The following TYW1B variants were observed in gnomAD, a reference collection of about 807,000 sequenced individuals.
The protein encoded by TYW1B is tRNA-yW synthesizing protein 1 homolog B, also known as S-adenosyl-L-methionine-dependent tRNA 4-demethylwyosine synthase TYW1B.
In TYW1B, 73 loss-of-function variants were observed where a neutral mutation model predicts 86.9. That is an observed-to-expected ratio of 0.84 (90% CI 0.70 to 1.02). The LOEUF is 1.02. Among genes scored for constraint, TYW1B ranks in the 50% least tolerant of loss-of-function variants. TYW1B has a pLI of 0.00. For synonymous variants in TYW1B, 248 were observed against 292.8 expected (o/e 0.85, Z 1.56); for missense variants, 637 against 827.4 (o/e 0.77, Z 2.82).
At chr7:72,755,323 T>G (rs571283637) in intron 7 of TYW1B, among the ~76,000 whole-genome samples, 372 of 151,998 alleles carry the variant, frequency 2.4e-3, no homozygotes, top group Non-Finnish European at 4.4e-3. Context: ...GGAGGCTGAG[T>G]TGGGAGGATC....
intron 2 of TYW1B, among the ~76,000 whole-genome samples, chr7:72,822,520 C>T (rs1788848665): frequency 6.6e-6 from 1 of 152,238 alleles, no homozygotes; most frequent in African/African-American, 2.4e-5. Context: ...AAGTCATCTA[C>T]AAATTTGCCT....
chr7:72,651,855 T>C (rs1473274288), intron 11 of TYW1B, among the ~76,000 whole-genome samples: 2 of 152,104 alleles, frequency 1.3e-5, no homozygotes, highest in African/African-American at 2.4e-5. Flanking sequence ...CATATTACAA[T>C]AGACACATGT....
At chr7:72,821,350 C>CA (rs1563106365) in intron 2 of TYW1B, among the ~76,000 whole-genome samples, 1 of 152,238 alleles carries the variant, frequency 6.6e-6, no homozygotes, top group African/African-American at 2.4e-5. Context: ...CAACCTTACA[C>CA]AAAAAATACT....
At chr7:72,698,754 G>A (rs533884913) in intron 10 of TYW1B, among the ~76,000 whole-genome samples, 1 of 152,240 alleles carries the variant, frequency 6.6e-6, no homozygotes, top group South Asian at 2.1e-4. Flanking sequence ...CACCATGATG[G>A]CAAAATCCAC....
rs143256002 is a variant in TYW1B at position 72,741,435 on chromosome 7, A to G, written c.1082+3049T>C. Among the ~76,000 whole-genome samples the G allele has an allele frequency of 9.8e-4, 150 of 152,342 alleles. 2 individuals carry two copies. In the East Asian group the frequency reaches 0.027, roughly 27 times the overall value. On this transcript the variant is annotated intron_variant, in intron 8 of 13. Coordinates refer to ENST00000620995, the MANE Select transcript of TYW1B (RefSeq NM_001145440.3). ...TGGAATTATCTTGCCTAAGTAGAAA[A>G]AAAAAGTGTGAAGAAAATTGAACAG...
chr7:72,693,304 G>A (rs1300037899), intron 11 of TYW1B, among the ~76,000 whole-genome samples: 1 of 151,948 alleles, frequency 6.6e-6, no homozygotes, highest in East Asian at 1.9e-4. Flanking sequence ...TGCAGAAAAT[G>A]ACATTCAATG....
intron 7 of TYW1B, among the ~76,000 whole-genome samples, chr7:72,758,823 C>T (rs1585961958): frequency 6.6e-6 from 1 of 152,144 alleles, no homozygotes; most frequent in Non-Finnish European, 1.5e-5. Flanking sequence ...TTGGTTTCTA[C>T]AAAATCGACA....
intron 11 of TYW1B, among the ~76,000 whole-genome samples, chr7:72,675,076 C>T (rs1813703828): frequency 6.6e-6 from 1 of 151,824 alleles, no homozygotes; most frequent in Non-Finnish European, 1.5e-5. Context: ...TTGAAACAAC[C>T]GATTCCCAAT....
chr7:72,614,317 A>C (rs1812013214), intron 13 of TYW1B, among the ~76,000 whole-genome samples: 1 of 152,056 alleles, frequency 6.6e-6, no homozygotes, highest in African/African-American at 2.4e-5. Flanking sequence ...GAACCCCTTG[A>C]TGTGTCAATT....
intron 11 of TYW1B, among the ~76,000 whole-genome samples, chr7:72,685,217 A>G (rs1554449108): frequency 6.6e-6 from 1 of 152,128 alleles, no homozygotes; most frequent in Non-Finnish European, 1.5e-5. Flanking sequence ...TTACTAGTAG[A>G]CCTATATTAC....
chr7:72,755,313 G>T (rs1461243357), intron 7 of TYW1B, among the ~76,000 whole-genome samples: 1 of 152,176 alleles, frequency 6.6e-6, no homozygotes, highest in Admixed American at 6.5e-5. Context: ...CAGCTACTCA[G>T]GAGGCTGAGT....
chr7:72,826,206 G>C (rs1335559519), intron 2 of TYW1B, among the ~76,000 whole-genome samples: 10 of 152,126 alleles, frequency 6.6e-5, no homozygotes, highest in African/African-American at 2.4e-4. Flanking sequence ...GCTGCTTTTG[G>C]AACAGATTTT....
At chr7:72,732,486 T>G (rs1432805894) in intron 8 of TYW1B, among the ~76,000 whole-genome samples, 2 of 152,126 alleles carry the variant, frequency 1.3e-5, no homozygotes, top group Admixed American at 6.6e-5. Flanking sequence ...TACAAAGTAA[T>G]GGAAACCAAA....
chr7:72,732,414 A>G (rs1448977476), intron 8 of TYW1B, among the ~76,000 whole-genome samples: 2 of 152,234 alleles, frequency 1.3e-5, no homozygotes, highest in African/African-American at 4.8e-5. Context: ...AATCCTATCA[A>G]GTATGTTTTT....
chr7:72,828,072 C>T lies in TYW1B; in HGVS notation c.4G>A (p.Asp2Asn), dbSNP rs782579642. Residue 2 changes from aspartate (D) to asparagine (N), a missense_variant and splice_region_variant, in exon 1 of 14, where the codon GAT becomes AAT. By Grantham distance (23) the Asp-to-Asn change is conservative. Transcript: ENST00000620995. Reference sequence around the variant, plus strand: ...GTCCTTGCCCGCCGAGTGCCCTTACCCATCCTCCTCAGAGCCGACAGGAGA... The same window carrying T: ...GTCCTTGCCCGCCGAGTGCCCTTACTCATCCTCCTCAGAGCCGACAGGAGA... M[D>N]PSADTWDLSS... The T allele has an allele frequency of 9.3e-6, 15 of 1,614,030 alleles. No individual in the cohort carries two copies. The highest frequency in any genetic ancestry group is 1.2e-5 in the Non-Finnish European group (14 of 1,179,960).
intron 11 of TYW1B, among the ~76,000 whole-genome samples, chr7:72,665,044 T>C (rs1277423439): frequency 6.6e-6 from 1 of 152,224 alleles, no homozygotes; most frequent in Non-Finnish European, 1.5e-5. Context: ...GTGTGGTTGG[T>C]TGAATCTGCA....
At chr7:72,623,673 G>T (rs1423152156) in intron 12 of TYW1B, among the ~76,000 whole-genome samples, 1 of 152,030 alleles carries the variant, frequency 6.6e-6, no homozygotes, top group African/African-American at 2.4e-5. Context: ...CTTCCCAAAC[G>T]TATGGTTTTC....
chr7:72,805,056 C>A (rs564154448), intron 5 of TYW1B, among the ~76,000 whole-genome samples: 2 of 152,134 alleles, frequency 1.3e-5, no homozygotes, highest in African/African-American at 4.8e-5. Context: ...TTATCTTGAA[C>A]ACTGCATATA....
intron 7 of TYW1B, among the ~76,000 whole-genome samples, chr7:72,766,502 T>C (rs537163961): frequency 1.4e-5 from 2 of 147,988 alleles, no homozygotes; most frequent in South Asian, 4.3e-4. Flanking sequence ...TAATCCCAGC[T>C]ACTCCGGAGG....
Sources: allele counts gnomAD v4.1 joint callset (sites outside exome capture counted in the v4.1 genomes callset), GRCh38; gene constraint gnomAD v4.1.1; transcripts MANE v1.5; gene names NCBI Gene and HGNC (gene_info 2026-07-23, HGNC 2026-07-21).